TMEM178A: variants seen among roughly 807,000 people sequenced by gnomAD.
TMEM178A encodes transmembrane protein 178.
In TMEM178A, 12 loss-of-function variants were observed where a neutral mutation model predicts 29.1. The ratio of observed to expected loss-of-function variants is 0.41; its 90% CI spans 0.26 to 0.67. TMEM178A has a LOEUF of 0.67. TMEM178A is among the 30% of genes least tolerant of loss of function. TMEM178A has a pLI of 0.29. For synonymous variants in TMEM178A, 210 were observed against 187.2 expected (o/e 1.12, Z -0.99); for missense variants, 366 against 419.1 (o/e 0.87, Z 1.11).
chr2:39,716,963 C>T, intron 3 of TMEM178A, 47 bp from the exon 4 acceptor site: 1 of 1,573,390 alleles, frequency 6.4e-7, no homozygotes, highest in South Asian at 1.2e-5. Context: ...TGTCTTGTAA[C>T]AGGCAAACTG....
chr2:39,671,724 T>A (rs1006734625), intron 1 of TMEM178A, among the ~76,000 whole-genome samples: 6 of 152,150 alleles, frequency 3.9e-5, no homozygotes, highest in African/African-American at 1.4e-4. Flanking sequence ...TATATATAAC[T>A]AGAAGTTCAA....
chr2:39,709,171 C>T (rs1310702613), intron 3 of TMEM178A, among the ~76,000 whole-genome samples: 4 of 152,234 alleles, frequency 2.6e-5, no homozygotes, highest in South Asian at 2.1e-4. Flanking sequence ...TGAGCGTTGA[C>T]GGGTAGGGGG....
intron 2 of TMEM178A, 100 bp downstream of exon 2, chr2:39,704,294 C>A: frequency 1.1e-6 from 1 of 912,140 alleles, no homozygotes; most frequent in Non-Finnish European, 1.7e-6. Context: ...TTGTTCTTAT[C>A]CTCTGTGAGC....
At chr2:39,688,233 C>G (rs1671162048) in intron 1 of TMEM178A, among the ~76,000 whole-genome samples, 1 of 152,194 alleles carries the variant, frequency 6.6e-6, no homozygotes, top group African/African-American at 2.4e-5. Context: ...GCATAACATG[C>G]TATATAATCA....
intron 3 of TMEM178A, among the ~76,000 whole-genome samples, chr2:39,708,450 G>A (rs1278557471): frequency 9.1e-6 from 1 of 110,220 alleles, no homozygotes; most frequent in African/African-American, 3.5e-5. Flanking sequence ...ACGGAGTTTC[G>A]CTCTGTCGCC....
the TMEM178A span, among the ~76,000 whole-genome samples, chr2:39,731,422 T>C: frequency 9.2e-5 from 14 of 152,196 alleles, no homozygotes; most frequent in African/African-American, 3.1e-4. Flanking sequence ...GTGAGGGCCA[T>C]GGGCTGGCTC....
chr2:39,731,394 A>C, the TMEM178A span, among the ~76,000 whole-genome samples: 1 of 152,236 alleles, frequency 6.6e-6, no homozygotes, highest in Non-Finnish European at 1.5e-5. Context: ...GCATAGTGCC[A>C]CATCTGGTCA....
chr2:39,680,987 A>G (rs1670846149), intron 1 of TMEM178A, among the ~76,000 whole-genome samples: 1 of 152,054 alleles, frequency 6.6e-6, no homozygotes, highest in Non-Finnish European at 1.5e-5. Flanking sequence ...TATTCATTTC[A>G]ATTTCTTTGT....
chr2:39,709,806 C>T (rs1672223010), intron 3 of TMEM178A, among the ~76,000 whole-genome samples: 1 of 152,204 alleles, frequency 6.6e-6, no homozygotes, highest in Non-Finnish European at 1.5e-5. Context: ...CTGGAGTGGA[C>T]AAAAGCCTCA....
At chr2:39,694,161 GTAATAA>G (rs66983117) in intron 1 of TMEM178A, among the ~76,000 whole-genome samples, 3 of 146,714 alleles carry the variant, frequency 2.0e-5, no homozygotes, top group African/African-American at 2.5e-5. Context: ...AGTAGTAGTA[GTAATAA>G]TAATAATAAT....
downstream of TMEM178A, among the ~76,000 whole-genome samples, chr2:39,720,462 A>T (rs1321309872): frequency 6.6e-6 from 1 of 152,048 alleles, no homozygotes; most frequent in African/African-American, 2.4e-5. Flanking sequence ...TCTGCTGGGG[A>T]CACCCCCTCC....
intron 1 of TMEM178A, among the ~76,000 whole-genome samples, chr2:39,692,091 T>C (rs1671338861): frequency 6.6e-6 from 1 of 152,128 alleles, no homozygotes; most frequent in Non-Finnish European, 1.5e-5. Context: ...ATCTCACTTA[T>C]ATGTGGAATA....
At chr2:39,711,224 C>T (rs893246227) in intron 3 of TMEM178A, among the ~76,000 whole-genome samples, 1 of 152,208 alleles carries the variant, frequency 6.6e-6, no homozygotes, top group Non-Finnish European at 1.5e-5. Context: ...ATACTGCTTT[C>T]AGTGTACTGT....
At chr2:39,667,873 A>G (rs2148049341) in intron 1 of TMEM178A, among the ~76,000 whole-genome samples, 1 of 152,368 alleles carries the variant, frequency 6.6e-6, no homozygotes, top group East Asian at 1.9e-4. Flanking sequence ...TGATAGTAGC[A>G]TAGTACATGA....
intron 3 of TMEM178A, among the ~76,000 whole-genome samples, chr2:39,710,555 G>A (rs549858881): frequency 3.9e-5 from 6 of 152,122 alleles, no homozygotes; most frequent in Non-Finnish European, 8.8e-5. Context: ...TGTTGCTGTG[G>A]GATTTAGGGG....
chr2:39,696,770 T>G (rs987543606), intron 1 of TMEM178A, among the ~76,000 whole-genome samples: 5 of 152,162 alleles, frequency 3.3e-5, no homozygotes, highest in African/African-American at 1.2e-4. Context: ...ACAACAGAAA[T>G]TCACCAGGCA....
chr2:39,678,393 C>T (rs1181508047), intron 1 of TMEM178A, among the ~76,000 whole-genome samples: 1 of 152,098 alleles, frequency 6.6e-6, no homozygotes, highest in Non-Finnish European at 1.5e-5. Flanking sequence ...GAACATTATT[C>T]AGCCATAAAA....
intron 1 of TMEM178A, among the ~76,000 whole-genome samples, chr2:39,683,405 C>T (rs1228715493): frequency 1.3e-5 from 2 of 152,198 alleles, no homozygotes; most frequent in Non-Finnish European, 2.9e-5. Flanking sequence ...AGGCCAGTCT[C>T]ACATGGGGCT....
chr2:39,691,560 T>C lies in TMEM178A; in HGVS notation c.401-12521T>C, dbSNP rs565635802. Among the ~76,000 whole-genome samples, 125 of 152,248 alleles carry C rather than the reference T, an allele frequency of 8.2e-4. 2 individuals are homozygous for C. In the South Asian group the frequency reaches 0.025, roughly 31 times the overall value. ...TGGGAATATAAATTGGTACAACCAT[T>C]ATAGAAAACAATATGGAGGTTCCTT... On this transcript the variant is annotated intron_variant, in intron 1 of 3. Transcript: ENST00000281961.
Sources: allele counts gnomAD v4.1 joint callset (sites outside exome capture counted in the v4.1 genomes callset), GRCh38; gene constraint gnomAD v4.1.1; transcripts MANE v1.5; gene names NCBI Gene and HGNC (gene_info 2026-07-23, HGNC 2026-07-21).